Variants in DDAH1 observed in about 807,000 individuals in gnomAD.
The protein encoded by DDAH1 is N(G),N(G)-dimethylarginine dimethylaminohydrolase 1.
DDAH1 carries 19 observed loss-of-function variants against 28.8 expected under a neutral mutation model. That is an observed-to-expected ratio of 0.66 (90% CI 0.46 to 0.97). DDAH1 has a LOEUF of 0.97. DDAH1 is among the 50% of genes least tolerant of loss of function. DDAH1 has a pLI of 0.00. For synonymous variants in DDAH1, 153 were observed against 154.4 expected, an observed-to-expected ratio of 0.99 and a Z score of 0.07; for missense variants, 326 against 375.9, an observed-to-expected ratio of 0.87 and a Z score of 1.10.
At chr1:85,487,063 C>T (rs903564488) in intron 2 of DDAH1, among the ~76,000 whole-genome samples, 2 of 152,176 alleles carry the variant, frequency 1.3e-5, no homozygotes, top group South Asian at 2.1e-4. Context: ...ATGTTTAATT[C>T]GCCAAAGTAG....
At chr1:85,554,108 G>A (rs935956595) in intron 1 of DDAH1, among the ~76,000 whole-genome samples, 5 of 152,118 alleles carry the variant, frequency 3.3e-5, no homozygotes, top group African/African-American at 1.2e-4. Context: ...ATTCTTTTGA[G>A]CACTAAATGG....
Position 85,351,486 on chromosome 1 carries a change from A to G in DDAH1, c.477+20T>C. The G allele has an allele frequency of 3.1e-6, 5 of 1,606,340 alleles. No homozygotes were observed. The highest frequency in any genetic ancestry group is 4.3e-6 in the Non-Finnish European group (5 of 1,172,990). On this transcript the variant is annotated intron_variant, in intron 3 of 5. Transcript: ENST00000284031. Reference sequence around the variant, plus strand: ...ATTAAGTAATTGCTTTGTGCCAGGCATAAACTACCTTTTACCTACCTTAAA... The same window carrying G: ...ATTAAGTAATTGCTTTGTGCCAGGCGTAAACTACCTTTTACCTACCTTAAA...
intron 1 of DDAH1, among the ~76,000 whole-genome samples, chr1:85,444,512 T>C (rs767993397): frequency 2.6e-5 from 4 of 152,130 alleles, no homozygotes; most frequent in Non-Finnish European, 5.9e-5. Flanking sequence ...CAAAGCCACA[T>C]ACTCTTAAGA....
intron 1 of DDAH1, among the ~76,000 whole-genome samples, chr1:85,554,733 T>G (rs921814828): frequency 6.6e-6 from 1 of 152,210 alleles, no homozygotes; most frequent in Non-Finnish European, 1.5e-5. Flanking sequence ...TGGGTCAGTT[T>G]TGGTTTGGGG....
chr1:85,378,435 G>T (rs142658237), intron 1 of DDAH1, among the ~76,000 whole-genome samples: 17 of 152,118 alleles, frequency 1.1e-4, no homozygotes, highest in Non-Finnish European at 2.1e-4. Flanking sequence ...TTGAGACAGG[G>T]TCTTGCTTTG....
At chr1:85,565,305 T>C (rs1659264982) in intron 1 of DDAH1, among the ~76,000 whole-genome samples, 1 of 152,000 alleles carries the variant, frequency 6.6e-6, no homozygotes, top group African/African-American at 2.4e-5. Context: ...TGAAAGAAAA[T>C]ACTGCCAACC....
chr1:85,389,391 A>G (rs745590219), intron 1 of DDAH1, among the ~76,000 whole-genome samples: 2 of 152,212 alleles, frequency 1.3e-5, no homozygotes, highest in African/African-American at 2.4e-5. Flanking sequence ...ACTAACTATT[A>G]AATTTTAGTC....
chr1:85,569,381 A>G (rs1382689361), intron 1 of DDAH1, among the ~76,000 whole-genome samples: 1 of 152,166 alleles, frequency 6.6e-6, no homozygotes, highest in Non-Finnish European at 1.5e-5. Flanking sequence ...CTGACACCAA[A>G]TTGTGTTCCA....
intron 1 of DDAH1, among the ~76,000 whole-genome samples, chr1:85,382,736 G>GTTAC: frequency 6.6e-6 from 1 of 152,296 alleles, no homozygotes; most frequent in Non-Finnish European, 1.5e-5. Flanking sequence ...AATGGAGCTG[G>GTTAC]TTACCTTAAA....
intron 1 of DDAH1, among the ~76,000 whole-genome samples, chr1:85,367,191 T>C (rs1049114135): frequency 6.6e-6 from 1 of 152,154 alleles, no homozygotes; most frequent in Non-Finnish European, 1.5e-5. Flanking sequence ...TTTATTCCCA[T>C]GATCGATCTT....
chr1:85,458,866 G>A (rs1378090838), intron 1 of DDAH1, among the ~76,000 whole-genome samples: 1 of 152,078 alleles, frequency 6.6e-6, no homozygotes, highest in East Asian at 1.9e-4. Flanking sequence ...TAAGGTTTTA[G>A]TCATTTTCTC....
intron 1 of DDAH1, among the ~76,000 whole-genome samples, chr1:85,456,807 G>C (rs1654901509): frequency 6.6e-6 from 1 of 152,088 alleles, no homozygotes. Flanking sequence ...GGTCAAGGGG[G>C]AAAACCCCCA....
At chr1:85,453,431 C>T (rs1016953871) in intron 1 of DDAH1, among the ~76,000 whole-genome samples, 3 of 152,202 alleles carry the variant, frequency 2.0e-5, no homozygotes, top group African/African-American at 7.2e-5. Context: ...CACAATTTTT[C>T]CAGTCACAGC....
intron 1 of DDAH1, among the ~76,000 whole-genome samples, chr1:85,421,281 C>T (rs72724630): frequency 0.083 from 12,621 of 152,192 alleles, 571 homozygotes; most frequent in Middle Eastern, 0.13. Flanking sequence ...GAATACTGTA[C>T]ATTCTTTTTG....
At chr1:85,495,084 A>G (rs1266020800) in intron 2 of DDAH1, 1 of 151,686 alleles carries the variant, frequency 6.6e-6, no homozygotes, top group Non-Finnish European at 1.5e-5. Context: ...GTTGTATATT[A>G]TAGCCAAATA....
rs1416706415 is a variant in DDAH1 at position 85,321,483 on chromosome 1, G to GAGC, written c.824_826dup (p.Cys275dup). On this transcript the variant is annotated inframe_insertion, in exon 6 of 6. Coordinates refer to ENST00000284031, the MANE Select transcript of DDAH1 (RefSeq NM_012137.4). ...GTCTACTTTCTTGTTAATTAAAACT[G>GAGC]AGCAGCAGGTGAGCAGCCCATCCAC... The GAGC allele has an allele frequency of 6.2e-7, 1 of 1,614,056 alleles. No homozygotes were observed. The highest frequency in any genetic ancestry group is 8.5e-7 in the Non-Finnish European group (1 of 1,179,922).
intron 1 of DDAH1, among the ~76,000 whole-genome samples, chr1:85,563,479 A>G (rs193028250): frequency 9.2e-4 from 140 of 152,336 alleles, no homozygotes; most frequent in African/African-American, 3.3e-3. Flanking sequence ...AATCAGCCCT[A>G]AATTAAATGC....
chr1:85,537,924 TTC>T (rs1438694333), intron 1 of DDAH1, among the ~76,000 whole-genome samples: 14 of 152,072 alleles, frequency 9.2e-5, no homozygotes, highest in African/African-American at 3.1e-4. Flanking sequence ...CAGATAAGTG[TTC>T]TCTTTGTCCT....
upstream of DDAH1, among the ~76,000 whole-genome samples, chr1:85,468,882 A>G (rs189140796): frequency 1.7e-3 from 261 of 152,300 alleles, no homozygotes; most frequent in Admixed American, 4.8e-3. Context: ...AGAACAGTAC[A>G]GGAAAGACTC....
Sources: allele counts gnomAD v4.1 joint callset (sites outside exome capture counted in the v4.1 genomes callset), GRCh38; gene constraint gnomAD v4.1.1; transcripts MANE v1.5; gene names NCBI Gene and HGNC (gene_info 2026-07-23, HGNC 2026-07-21).